Variants in VIRMA observed in about 807,000 individuals in gnomAD.
The protein encoded by VIRMA is vir like m6A methyltransferase associated.
A neutral mutation model predicts 182.4 loss-of-function variants in VIRMA; 65 were observed. The ratio of observed to expected loss-of-function variants is 0.36; its 90% CI spans 0.29 to 0.44. The LOEUF (loss-of-function observed/expected upper bound fraction) is 0.44. Ranked by LOEUF, VIRMA falls within the 20% of genes least tolerant of loss-of-function variation. The pLI is 1.00. For synonymous variants in VIRMA, 709 were observed against 743.1 expected (o/e 0.95, Z 0.75); for missense variants, 1,752 against 2,158.1 (o/e 0.81, Z 3.73).
At chr8:94,512,432 C>A (rs1586081198) in intron 11 of VIRMA, 1 of 153,320 alleles carries the variant, frequency 6.5e-6, no homozygotes, top group East Asian at 1.9e-4. Context: ...TTTCTATATA[C>A]TCTTTTCATA....
intron 1 of VIRMA, among the ~76,000 whole-genome samples, chr8:94,547,466 C>CAATTATCT (rs1371094745): frequency 6.6e-6 from 1 of 150,926 alleles, no homozygotes; most frequent in Non-Finnish European, 1.5e-5. Flanking sequence ...TCTATCCCTG[C>CAATTATCT]AATTATCTTC....
intron 1 of VIRMA, among the ~76,000 whole-genome samples, chr8:94,546,650 T>C (rs1049800712): frequency 6.6e-6 from 1 of 151,052 alleles, no homozygotes; most frequent in Non-Finnish European, 1.5e-5. Flanking sequence ...GAGATTTTAG[T>C]GTACCTGTCT....
intron 16 of VIRMA, among the ~76,000 whole-genome samples, chr8:94,500,498 C>T (rs1020740636): frequency 1.3e-5 from 2 of 152,176 alleles, no homozygotes; most frequent in Admixed American, 1.3e-4. Flanking sequence ...GTCATACTTC[C>T]GTGGTCTATC....
Position 94,512,036 on chromosome 8 carries a change from A to G in VIRMA, c.2805T>C (p.Arg935=), listed in dbSNP as rs766052315. Residue 935 remains arginine, a synonymous_variant, in exon 12 of 24, where the codon CGT becomes CGC. Transcript: ENST00000297591. ...GTGGGCATGCAACATTACAGAGAAC[A>G]CGTAAGGCAGTGGTAAGGCCAACTC... ...PEGVGLTTAL[R]VLCNVACPPP... is the part of the protein sequence containing the mutation. 4 of 1,533,974 alleles carry G rather than the reference A, an allele frequency of 2.6e-6. No individual in the cohort carries two copies. The African/African-American group carries it at 5.6e-5, about 22-fold the overall frequency.
At chr8:94,507,911 G>GTATATATATGTATATATGTATATA (rs370897217) in intron 15 of VIRMA, among the ~76,000 whole-genome samples, 1 of 119,906 alleles carries the variant, frequency 8.3e-6, no homozygotes, top group Non-Finnish European at 1.9e-5. Flanking sequence ...ATGTATATAT[G>GTATATATATGTATATATGTATATA]TATGTGTATA....
chr8:94,507,158 G>A (rs989813927), intron 15 of VIRMA, among the ~76,000 whole-genome samples: 108 of 147,088 alleles, frequency 7.3e-4, no homozygotes, highest in African/African-American at 2.6e-3. Flanking sequence ...TTTTTGAGAC[G>A]GAGTTTCACT....
chr8:94,514,975 A>G (rs1411174062), intron 10 of VIRMA, 24 bp from the exon 11 acceptor site: 2 of 1,162,594 alleles, frequency 1.7e-6, no homozygotes, highest in Admixed American at 2.3e-5. Flanking sequence ...ATAATTTATA[A>G]TATTTAAAAA....
At chr8:94,553,325 G>A (rs1204739320) in intron 1 of VIRMA, 60 bp downstream of exon 1, 6 of 1,543,796 alleles carry the variant, frequency 3.9e-6, no homozygotes, top group Non-Finnish European at 5.4e-6. Context: ...ACGCCTAACG[G>A]TTTTTTTGTA....
chr8:94,538,903 G>A (rs1037895822), intron 2 of VIRMA, among the ~76,000 whole-genome samples: 1 of 150,998 alleles, frequency 6.6e-6, no homozygotes, highest in Non-Finnish European at 1.5e-5. Flanking sequence ...ACTGCGCCTG[G>A]CCTCCCCTTC....
intron 2 of VIRMA, among the ~76,000 whole-genome samples, chr8:94,539,874 AG>A (rs938391381): frequency 6.6e-6 from 1 of 152,162 alleles, no homozygotes; most frequent in African/African-American, 2.4e-5. Flanking sequence ...TTGTTAACAA[AG>A]CAAGTTCAGC....
intron 21 of VIRMA, 102 bp from the exon 22 acceptor site, chr8:94,492,011 A>C: frequency 1.2e-5 from 10 of 835,394 alleles, no homozygotes; most frequent in Admixed American, 3.1e-5. Flanking sequence ...TTTGTACTCC[A>C]ATTCTGCTAA....
In VIRMA at chr8:94,514,947, A is replaced by G. The variant is rs765793286; in HGVS notation, c.2673T>C (p.Leu891=). The change falls in exon 11 of 24, where the codon CTT becomes CTC. Residue 891 remains leucine, a synonymous_variant. Coordinates refer to ENST00000297591, the MANE Select transcript of VIRMA (RefSeq NM_015496.5). The part of the protein sequence containing the change: ...ADENNAKLQE[L]GKWLEPLKNL... ...TTTTCAGAGGTTCAAGCCACTTGCC[A>G]AGTTCTTAAAAAGAAAAATAATTTA... The G allele has an allele frequency of 4.0e-6, 6 of 1,517,894 alleles. No homozygotes were observed. In the East Asian group the frequency reaches 1.4e-4, roughly 35 times the overall value. 94.0% of individuals were successfully genotyped at this position (1,517,894 alleles called of 1,614,324 possible).
At chr8:94,531,829 C>T (rs1018990996) in intron 5 of VIRMA, among the ~76,000 whole-genome samples, 5 of 152,144 alleles carry the variant, frequency 3.3e-5, no homozygotes, top group Non-Finnish European at 7.3e-5. Flanking sequence ...TTTGGTACAT[C>T]TATATTTTGT....
chr8:94,549,498 A>T (rs1449295811), intron 1 of VIRMA, among the ~76,000 whole-genome samples: 1 of 152,002 alleles, frequency 6.6e-6, no homozygotes, highest in Non-Finnish European at 1.5e-5. Flanking sequence ...TCACTTCCAC[A>T]CTCTTACCAT....
intron 8 of VIRMA, among the ~76,000 whole-genome samples, chr8:94,521,510 A>T (rs1305636077): frequency 6.6e-6 from 1 of 152,220 alleles, no homozygotes; most frequent in African/African-American, 2.4e-5. Flanking sequence ...TGACTACAAG[A>T]TAGAACCAGC....
chr8:94,538,027 C>G (rs1815402116), intron 3 of VIRMA, among the ~76,000 whole-genome samples: 1 of 152,160 alleles, frequency 6.6e-6, no homozygotes, highest in Non-Finnish European at 1.5e-5. Flanking sequence ...GAAACACATG[C>G]ACGAGTCACA....
chr8:94,510,377 A>C (rs781589269), intron 14 of VIRMA, 40 bp downstream of exon 14: 1 of 1,528,936 alleles, frequency 6.5e-7, no homozygotes, highest in East Asian at 2.3e-5. Flanking sequence ...TGTGTCAAAA[A>C]TAATTTGAGG....
At chr8:94,549,974 G>C (rs1458407921) in intron 1 of VIRMA, among the ~76,000 whole-genome samples, 1 of 152,048 alleles carries the variant, frequency 6.6e-6, no homozygotes, top group Non-Finnish European at 1.5e-5. Context: ...GTGCACAACT[G>C]TAGTCCCAGC....
intron 2 of VIRMA, among the ~76,000 whole-genome samples, chr8:94,539,999 A>C (rs1815484554): frequency 6.6e-6 from 1 of 152,230 alleles, no homozygotes; most frequent in African/African-American, 2.4e-5. Flanking sequence ...AGTCTCCAGA[A>C]CTTTGAGATA....
Sources: allele counts gnomAD v4.1 joint callset (sites outside exome capture counted in the v4.1 genomes callset), GRCh38; gene constraint gnomAD v4.1.1; transcripts MANE v1.5; gene names NCBI Gene and HGNC (gene_info 2026-07-23, HGNC 2026-07-21).